MEIOC: variants seen among roughly 807,000 people sequenced by gnomAD.
The protein encoded by MEIOC is meiosis-specific coiled-coil domain-containing protein MEIOC.
A neutral mutation model predicts 85.3 loss-of-function variants in MEIOC; 9 were observed. That is an observed-to-expected ratio of 0.11 (90% CI 0.06 to 0.18). MEIOC has a LOEUF of 0.18. Among genes scored for constraint, MEIOC ranks in the 10% least tolerant of loss-of-function variants. The pLI is 1.00. For missense variants in MEIOC, 898 were observed against 1,129.4 expected (o/e 0.80, Z 2.94); for synonymous variants, 365 against 393.7 (o/e 0.93, Z 0.86).
chr17:44,676,880 A>G (rs1972083744), downstream of MEIOC: 1 of 858,212 alleles, frequency 1.2e-6, no homozygotes, highest in South Asian at 5.4e-5. Context: ...TAAAGGATTT[A>G]TTAGCACCTG....
intron 6 of MEIOC, among the ~76,000 whole-genome samples, chr17:44,671,625 C>T (rs1477768355): frequency 2.7e-5 from 4 of 150,098 alleles, no homozygotes; most frequent in South Asian, 2.1e-4. Context: ...ATTACATTTT[C>T]GCCGGGCGTG....
chr17:44,669,465 A>G lies in MEIOC; in HGVS notation c.2405A>G (p.Asn802Ser). Residue 802 changes from asparagine (N) to serine (S), a missense_variant, in exon 6 of 8, where the codon AAC becomes AGC. Physicochemically the swap from Asn to Ser is conservative, Grantham distance 46. Transcript: ENST00000409122. ...ACTCCAGTTCCAAGGCTGACTTCCA[A>G]CCCATCTAGAGTTGATCGCTTAATT... The part of the protein sequence containing the change: ...NNTPVPRLTS[N>S]PSRVDRLIVD... 1 of 1,558,918 alleles carries G rather than the reference A, an allele frequency of 6.4e-7. No individual in the cohort carries two copies. Among genetic ancestry groups the G allele is most frequent in the East Asian group, 2.4e-5 (1 of 41,754 alleles).
In MEIOC at chr17:44,675,535, T is replaced by TACC; in HGVS notation, c.*1342_*1344dup. On this transcript the variant is annotated 3_prime_UTR_variant, in exon 8 of 8. Coordinates refer to ENST00000409122, the MANE Select transcript of MEIOC (RefSeq NM_001145080.3). ...ATTAAAAAAAAAAAGAGTGTAATCA[T>TACC]ACCACATAAATTTTCTTTAGATGAT... The TACC allele has an allele frequency of 1.0e-6, 1 of 979,244 alleles. No homozygotes were observed. Among genetic ancestry groups the TACC allele is most frequent in the Non-Finnish European group, 1.2e-6 (1 of 824,354 alleles). 60.7% of individuals were successfully genotyped at this position (979,244 alleles called of 1,614,324 possible).
chr17:44,666,686 A>G lies in MEIOC; in HGVS notation c.775A>G (p.Thr259Ala). 6.2e-7 allele frequency: 1 copy of G among 1,612,454 alleles called. No homozygotes were observed. Among genetic ancestry groups the G allele is most frequent in the Non-Finnish European group, 8.5e-7 (1 of 1,179,136 alleles). Residue 259 changes from threonine (T) to alanine (A), a missense_variant, in exon 5 of 8, where the codon ACA (threonine) becomes GCA (alanine). Physicochemically the swap from Thr to Ala is moderately conservative, Grantham distance 58. This residue lies in a region of MEIOC where 734 missense variants were observed against 860.1 expected (regional missense o/e 0.85). Transcript: ENST00000409122. ...NIQTNDTAKT[T>A]FQEYPLIKNC... ...TCAGACAAATGATACAGCTAAGACA[A>G]CATTCCAAGAATATCCACTTATCAA...
Position 44,666,872 on chromosome 17 carries a change from G to A in MEIOC, c.961G>A (p.Glu321Lys). 6.2e-7 allele frequency: 1 copy of A among 1,609,668 alleles called. No homozygotes were observed. Among genetic ancestry groups the A allele is most frequent in the Non-Finnish European group, 8.5e-7 (1 of 1,177,476 alleles). Residue 321 changes from glutamate (E) to lysine (K), a missense_variant, in exon 5 of 8, where the codon GAA becomes AAA. Coordinates refer to ENST00000409122, the MANE Select transcript of MEIOC (RefSeq NM_001145080.3). ...MFLSQFNRYN[E>K]NVDYCRYPEY... is the part of the protein sequence containing the mutation. ...TCTTTCTCAATTTAATAGATACAATGAAAATGTAGATTATTGTAGATACCC... is the reference window on the plus strand; with the variant it reads ...TCTTTCTCAATTTAATAGATACAATAAAAATGTAGATTATTGTAGATACCC...
At chr17:44,662,532 G>A in intron 3 of MEIOC, 61 bp downstream of exon 3, 1 of 1,171,756 alleles carries the variant, frequency 8.5e-7, no homozygotes, top group Non-Finnish European at 1.2e-6. Context: ...CATAGGAACT[G>A]AGGTTATTTG....
At position 44,667,349 on chromosome 17, in the gene MEIOC, A is replaced by G. The variant is rs1971924062; in HGVS notation, c.1438A>G (p.Asn480Asp). The change falls in exon 5 of 8, where the codon AAT (asparagine) becomes GAT (aspartate). Residue 480 changes from asparagine to aspartate, a missense_variant. Physicochemically the swap from Asn to Asp is conservative, Grantham distance 23 (BLOSUM62 1). Coordinates refer to ENST00000409122, the MANE Select transcript of MEIOC (RefSeq NM_001145080.3). ...CAATTTAAACAGACCAACTTGGATGAATGTTCAAACAAAAAATAACACTCC... is the reference window on the plus strand; with the variant it reads ...CAATTTAAACAGACCAACTTGGATGGATGTTCAAACAAAAAATAACACTCC... ...GINLNRPTWM[N>D]VQTKNNTPIP... 1.2e-6 allele frequency: 2 copies of G among 1,613,896 alleles called. No individual in the cohort carries two copies. Among genetic ancestry groups the G allele is most frequent in the Non-Finnish European group, 1.7e-6 (2 of 1,179,854 alleles).
intron 2 of MEIOC, among the ~76,000 whole-genome samples, chr17:44,659,983 G>C (rs2144657567): frequency 6.6e-6 from 1 of 152,102 alleles, no homozygotes; most frequent in Non-Finnish European, 1.5e-5. Flanking sequence ...ATAATGTGTG[G>C]GTTTTAAATA....
intron 2 of MEIOC, among the ~76,000 whole-genome samples, chr17:44,658,515 C>T (rs563377851): frequency 3.3e-5 from 5 of 151,334 alleles, no homozygotes; most frequent in African/African-American, 9.7e-5. Context: ...AAGTTAAGGG[C>T]CGGGCGCCAT....
intron 2 of MEIOC, 146 bp from the exon 3 acceptor site, chr17:44,662,171 T>A: frequency 4.5e-6 from 3 of 669,366 alleles, no homozygotes; most frequent in Non-Finnish European, 7.4e-6. Flanking sequence ...ATCCCTGGTA[T>A]AAAGCAAGCT....
At chr17:44,665,982 C>A (rs1971897913) in intron 4 of MEIOC, among the ~76,000 whole-genome samples, 1 of 151,868 alleles carries the variant, frequency 6.6e-6, no homozygotes, top group African/African-American at 2.4e-5. Context: ...TTTAATTTCA[C>A]AAAGTTTAAG....
rs752879033 is a variant in MEIOC, at chr17:44,667,765, T to C, written c.1854T>C (p.Asp618=). Residue 618 remains aspartate, a synonymous_variant, in exon 5 of 8, where the codon GAT becomes GAC. Transcript: ENST00000409122. ...CCAAGCCCCAGAGTGGACATTATGA[T>C]CCTGAGGAAGGTCCAAAGCATTTAG... ...FQAKPQSGHY[D]PEEGPKHLDG... The C allele has an allele frequency of 5.6e-6, 9 of 1,613,856 alleles. No individual in the cohort carries two copies. Among genetic ancestry groups the C allele is most frequent in the Non-Finnish European group, 6.8e-6 (8 of 1,179,820 alleles).
chr17:44,662,050 A>G (rs778825902), intron 2 of MEIOC, among the ~76,000 whole-genome samples: 4 of 152,168 alleles, frequency 2.6e-5, no homozygotes, highest in South Asian at 2.1e-4. Flanking sequence ...TTTATTGTCT[A>G]TGGTTGATTT....
intron 3 of MEIOC, among the ~76,000 whole-genome samples, chr17:44,664,318 C>T (rs1370673995): frequency 3.3e-5 from 5 of 152,196 alleles, no homozygotes; most frequent in East Asian, 3.9e-4. Flanking sequence ...GCAGAGATCG[C>T]GCCATTGCAC....
Position 44,667,174 on chromosome 17 carries a change from A to T in MEIOC, c.1263A>T (p.Glu421Asp). Residue 421 changes from glutamate to aspartate, a missense_variant, in exon 5 of 8, where the codon GAA becomes GAT. Glu to Asp is a conservative substitution (Grantham distance 45, BLOSUM62 2). This residue lies in a region of MEIOC where 734 missense variants were observed against 860.1 expected (regional missense o/e 0.85). Coordinates refer to ENST00000409122, the MANE Select transcript of MEIOC (RefSeq NM_001145080.3). The part of the protein sequence containing the change: ...VFTADFGLTS[E>D]YGLKPHTACP... Reference sequence around the variant, plus strand: ...CTGCTGATTTTGGCTTAACATCAGAATATGGACTAAAACCTCACACAGCTT... The same window carrying T: ...CTGCTGATTTTGGCTTAACATCAGATTATGGACTAAAACCTCACACAGCTT... 1 of 1,613,940 alleles carries T rather than the reference A, an allele frequency of 6.2e-7. No homozygotes were observed. The highest frequency in any genetic ancestry group is 8.5e-7 in the Non-Finnish European group (1 of 1,179,886).
rs1972065571 is a variant in MEIOC, at chr17:44,675,627, C to A, written c.*1431C>A. 2 of 984,428 alleles carry A rather than the reference C, an allele frequency of 2.0e-6. No individual in the cohort carries two copies. The highest frequency in any genetic ancestry group is 2.4e-6 in the Non-Finnish European group (2 of 829,196). The allele number at this position is 984,428 out of a possible 1,614,324, so 61.0% of individuals were successfully genotyped here. A position where few individuals can be genotyped will look rare whatever the true frequency, so the allele number is the denominator to read the frequency against. ...GAGAAACATTTTGATCACTGATATG[C>A]CTTAGAACTACCCAAATGAATTACA... On this transcript the variant is annotated 3_prime_UTR_variant, in exon 8 of 8. Transcript: ENST00000409122.
chr17:44,674,014 G>A lies in MEIOC; in HGVS notation c.2677G>A (p.Val893Met), dbSNP rs1568136699. The A allele has an allele frequency of 6.4e-7, 1 of 1,551,718 alleles. No homozygotes were observed. The highest frequency in any genetic ancestry group is 2.0e-5 in the Admixed American group (1 of 51,010). ...ALASAIKEMC[V>M]ATRKTRTALW... ...TGCTTCTGCAATTAAAGAGATGTGT[G>A]TGGCTACTCGGAAAACACGCACTGC... Residue 893 changes from valine to methionine, a missense_variant, in exon 8 of 8, where the codon GTG (valine) becomes ATG (methionine). Physicochemically the swap from Val to Met is conservative, Grantham distance 21. Transcript: ENST00000409122.
At position 44,658,193 on chromosome 17, in the gene MEIOC, C is replaced by T. The variant is rs145353990; in HGVS notation, c.204+932C>T. Among the ~76,000 whole-genome samples the T allele has an allele frequency of 3.0e-3, 428 of 140,696 alleles. 3 individuals are homozygous for T. The highest frequency in any genetic ancestry group is 0.011 in the African/African-American group (398 of 37,548). The allele number at this position is 140,696 out of a possible 152,430, so 92.3% of individuals were successfully genotyped here. On this transcript the variant is annotated intron_variant, in intron 2 of 7. Transcript: ENST00000409122. ...TTTTTGAGACGGAGTCTTGCTCTGT[C>T]GCCCAGGCTGGAGTGCAGTGACGCA...
intron 6 of MEIOC, 82 bp downstream of exon 6, chr17:44,669,599 C>A (rs1293761804): frequency 2.2e-6 from 3 of 1,388,526 alleles, no homozygotes; most frequent in Admixed American, 2.0e-5. Context: ...GTGGCTCACT[C>A]CTGTAATCCC....
Sources: allele counts gnomAD v4.1 joint callset (sites outside exome capture counted in the v4.1 genomes callset), GRCh38; gene constraint gnomAD v4.1.1; regional missense constraint gnomAD v4.1.1; transcripts MANE v1.5; gene names NCBI Gene and HGNC (gene_info 2026-07-23, HGNC 2026-07-21).